Variants in LIFR observed in about 807,000 individuals in gnomAD.
LIFR encodes LIF receptor subunit alpha, also known as leukemia inhibitory factor receptor.
In LIFR, 84 loss-of-function variants were observed where a neutral mutation model predicts 122.2. That is an observed-to-expected ratio of 0.69 (90% CI 0.58 to 0.82). The LOEUF is 0.82. LIFR is among the 40% of genes least tolerant of loss of function. LIFR has a pLI of 0.00. For missense variants in LIFR, 1,294 were observed against 1,311.6 expected (o/e 0.99, Z 0.21); for synonymous variants, 422 against 434.7 (o/e 0.97, Z 0.36).
At chr5:38,590,103 T>A (rs1469991890) in intron 1 of LIFR, among the ~76,000 whole-genome samples, 3 of 152,198 alleles carry the variant, frequency 2.0e-5, no homozygotes, top group Non-Finnish European at 4.4e-5. Context: ...CTCAAGTCTT[T>A]TCTATTATTT....
chr5:38,508,490 C>A (rs1230632157), intron 7 of LIFR, among the ~76,000 whole-genome samples: 1 of 152,056 alleles, frequency 6.6e-6, no homozygotes, highest in Non-Finnish European at 1.5e-5. Flanking sequence ...TAATCCCAAT[C>A]AAAACGCCAG....
At chr5:38,561,410 C>G (rs1748833512), upstream of LIFR, among the ~76,000 whole-genome samples, 1 of 152,100 alleles carries the variant, frequency 6.6e-6, no homozygotes, top group Non-Finnish European at 1.5e-5. Flanking sequence ...TCCTAGTTTC[C>G]TTCTCTATAA....
At chr5:38,564,375 C>T (rs1345581583) in intron 1 of LIFR, among the ~76,000 whole-genome samples, 1 of 151,516 alleles carries the variant, frequency 6.6e-6, no homozygotes, top group African/African-American at 2.4e-5. Context: ...GACACACCAC[C>T]ATGCCTGGCT....
chr5:38,605,174 C>T (rs986827272), intron 2 of LIFR, among the ~76,000 whole-genome samples: 2 of 152,112 alleles, frequency 1.3e-5, no homozygotes, highest in Non-Finnish European at 2.9e-5. Flanking sequence ...CTCCACTTTA[C>T]ATCATGGCCT....
rs1306412749 is a variant in LIFR, at chr5:38,478,245, T to C, written c.*3350A>G. 9.2e-5 allele frequency: 19 copies of C among 206,996 alleles called. No individual in the cohort carries two copies. In the East Asian group the frequency reaches 1.4e-3, roughly 15 times the overall value. The allele number at this position is 206,996 out of a possible 1,614,324, so 12.8% of individuals were successfully genotyped here. Reference sequence around the variant, plus strand: ...TGCATGAAGTTTTGAAAATGTGACTTTTTACCACAGTTTCTGAGAGTGTAA... The same window carrying C: ...TGCATGAAGTTTTGAAAATGTGACTCTTTACCACAGTTTCTGAGAGTGTAA... On this transcript the variant is annotated 3_prime_UTR_variant, in exon 20 of 20. Coordinates refer to ENST00000453190, the MANE Select transcript of LIFR (RefSeq NM_001127671.2).
At chr5:38,482,335 C>G in intron 19 of LIFR, 117 bp from the exon 20 acceptor site, 4 of 948,196 alleles carry the variant, frequency 4.2e-6, no homozygotes, top group Non-Finnish European at 6.1e-6. Flanking sequence ...GTCTCTACTA[C>G]TCTGTATTTC....
chr5:38,580,326 A>G (rs915642185), intron 1 of LIFR, among the ~76,000 whole-genome samples: 1 of 151,940 alleles, frequency 6.6e-6, no homozygotes. Context: ...GTTGCCTCCT[A>G]ATTCCTCCAG....
At chr5:38,493,935 G>C in intron 13 of LIFR, 150 bp from the exon 14 acceptor site, 1 of 692,156 alleles carries the variant, frequency 1.4e-6, no homozygotes. Flanking sequence ...GCAAAGATTA[G>C]AAGTGTTGCT....
In LIFR at chr5:38,527,146, A is replaced by T. The variant is rs568429510; in HGVS notation, c.397+9T>A. ...TACTTTAAAATTGAGTTTGTTTTCAAATACTTACAAACGTTTTGTTCATTT... is the reference window on the plus strand; with the variant it reads ...TACTTTAAAATTGAGTTTGTTTTCATATACTTACAAACGTTTTGTTCATTT... On this transcript the variant is annotated intron_variant, in intron 4 of 19. Transcript: ENST00000453190. 1.0e-5 allele frequency: 16 copies of T among 1,585,646 alleles called. No homozygotes were observed. The highest frequency in any genetic ancestry group is 1.4e-5 in the Non-Finnish European group (16 of 1,158,792).
intron 16 of LIFR, 146 bp downstream of exon 16, chr5:38,488,932 T>C (rs921012850): frequency 3.0e-6 from 2 of 658,832 alleles, no homozygotes; most frequent in Middle Eastern, 4.1e-4. Flanking sequence ...CTTATATTCA[T>C]AGAATTACTG....
At chr5:38,487,806 T>A (rs950731295) in intron 16 of LIFR, among the ~76,000 whole-genome samples, 3 of 152,146 alleles carry the variant, frequency 2.0e-5, no homozygotes, top group African/African-American at 4.8e-5. Context: ...CGTTCTTCAA[T>A]CGACCCCTCC....
chr5:38,592,610 T>C (rs1408794887), intron 1 of LIFR, among the ~76,000 whole-genome samples: 1 of 149,544 alleles, frequency 6.7e-6, no homozygotes, highest in Non-Finnish European at 1.5e-5. Context: ...CGAGCTGAGA[T>C]TGCGCCACTG....
At chr5:38,526,421 G>C (rs910729549) in intron 4 of LIFR, among the ~76,000 whole-genome samples, 4 of 143,218 alleles carry the variant, frequency 2.8e-5, no homozygotes, top group South Asian at 2.2e-4. Flanking sequence ...TTTACTGTGT[G>C]TGTGTGTGTG....
At chr5:38,526,490 A>T (rs1242573172) in intron 4 of LIFR, among the ~76,000 whole-genome samples, 1 of 151,948 alleles carries the variant, frequency 6.6e-6, no homozygotes, top group Non-Finnish European at 1.5e-5. Context: ...TTTAGAAAGC[A>T]TCTTTAGATC....
rs934337053 is a variant in LIFR, at chr5:38,476,833, T to G, written c.*4762A>C. 1 of 212,896 alleles carries G rather than the reference T, an allele frequency of 4.7e-6. No homozygotes were observed. Among genetic ancestry groups the G allele is most frequent in the Non-Finnish European group, 9.5e-6 (1 of 105,256 alleles). The allele number at this position is 212,896 out of a possible 1,614,324, so 13.2% of individuals were successfully genotyped here. A position where few individuals can be genotyped will look rare whatever the true frequency, so the allele number is the denominator to read the frequency against. On this transcript the variant is annotated 3_prime_UTR_variant, in exon 20 of 20. Coordinates refer to ENST00000453190, the MANE Select transcript of LIFR (RefSeq NM_001127671.2). ...ACAACTTTTAATTCTCATGAAAATGTTGCACAGTTAGAATTTGTCTTGCAT... is the reference window on the plus strand; with the variant it reads ...ACAACTTTTAATTCTCATGAAAATGGTGCACAGTTAGAATTTGTCTTGCAT...
At chr5:38,549,549 T>C (rs1219528715) in intron 1 of LIFR, among the ~76,000 whole-genome samples, 1 of 152,188 alleles carries the variant, frequency 6.6e-6, no homozygotes, top group African/African-American at 2.4e-5. Flanking sequence ...TCCCAGCACT[T>C]TGGGAGGCCG....
At chr5:38,487,432 T>C (rs1744346711) in intron 16 of LIFR, among the ~76,000 whole-genome samples, 1 of 152,204 alleles carries the variant, frequency 6.6e-6, no homozygotes, top group Non-Finnish European at 1.5e-5. Context: ...TTATTCCTGA[T>C]TGCTTGCACA....
Position 38,519,602 on chromosome 5 carries a change from T to G in LIFR, c.561+3817A>C, listed in dbSNP as rs571926763. Among the ~76,000 whole-genome samples the G allele has an allele frequency of 2.5e-4, 38 of 152,324 alleles. 1 individual carries two copies. Among genetic ancestry groups the G allele is most frequent in the Non-Finnish European group, 4.4e-5 (3 of 68,002 alleles). On this transcript the variant is annotated intron_variant, in intron 5 of 19. Coordinates refer to ENST00000453190, the MANE Select transcript of LIFR (RefSeq NM_001127671.2). ...GTACCCATTCACCAACCTCTCTTCC[T>G]GCCCCGTCCCACCAACACACCCTTC...
At chr5:38,550,237 A>G in intron 1 of LIFR, 1 of 975,550 alleles carries the variant, frequency 1.0e-6, no homozygotes, top group African/African-American at 1.8e-5. Context: ...GGTTTTAAAC[A>G]ATCATATCCC....
Sources: gnomAD v4.1 joint callset for allele counts (sites outside exome capture counted in the v4.1 genomes callset) on GRCh38, gnomAD v4.1.1 for gene constraint, MANE v1.5 for transcripts, NCBI Gene and HGNC (gene_info 2026-07-23, HGNC 2026-07-21) for gene names.